LRRTM4: variants seen among roughly 807,000 people sequenced by gnomAD.
LRRTM4 encodes the protein leucine rich repeat transmembrane neuronal 4.
Under a neutral mutation model 47.6 loss-of-function variants are expected in LRRTM4, and 25 were observed. The ratio of observed to expected loss-of-function variants is 0.53; its 90% CI spans 0.38 to 0.73. The LOEUF (loss-of-function observed/expected upper bound fraction) is 0.73. Ranked by LOEUF, LRRTM4 falls within the 30% of genes least tolerant of loss-of-function variation. LRRTM4 has a pLI of 0.00. For synonymous variants in LRRTM4, 311 were observed against 269.5 expected (o/e 1.15, Z -1.51); for missense variants, 638 against 713.4 (o/e 0.89, Z 1.20).
At chr2:77,043,511 A>G (rs1679108980) in intron 3 of LRRTM4, among the ~76,000 whole-genome samples, 1 of 151,746 alleles carries the variant, frequency 6.6e-6, no homozygotes, top group Non-Finnish European at 1.5e-5. Flanking sequence ...GCCTAAACGA[A>G]TGTCATTGTG....
intron 3 of LRRTM4, among the ~76,000 whole-genome samples, chr2:77,216,003 C>A (rs1674426091): frequency 1.3e-5 from 2 of 152,130 alleles, no homozygotes; most frequent in African/African-American, 4.8e-5. Flanking sequence ...TGCTGTGCTA[C>A]CTGCAGAACG....
At chr2:77,272,357 T>C (rs1004967919) in intron 3 of LRRTM4, among the ~76,000 whole-genome samples, 2 of 152,116 alleles carry the variant, frequency 1.3e-5, no homozygotes, top group Non-Finnish European at 2.9e-5. Flanking sequence ...TCAAGCAATA[T>C]AATGAACATA....
At chr2:76,916,946 CTTAAGT>C (rs983496103) in intron 3 of LRRTM4, among the ~76,000 whole-genome samples, 7 of 152,098 alleles carry the variant, frequency 4.6e-5, no homozygotes, top group African/African-American at 1.2e-4. Flanking sequence ...TTCTCTCTTC[CTTAAGT>C]TTAACTCTAC....
intron 3 of LRRTM4, among the ~76,000 whole-genome samples, chr2:76,839,220 A>T (rs182974953): frequency 6.6e-6 from 1 of 152,136 alleles, no homozygotes; most frequent in East Asian, 1.9e-4. Flanking sequence ...TGGGGAGTCA[A>T]TGAGGTAGAG....
intron 3 of LRRTM4, among the ~76,000 whole-genome samples, chr2:77,308,483 G>T (rs1677353045): frequency 6.6e-6 from 1 of 151,994 alleles, no homozygotes. Context: ...GAGGAATTTA[G>T]ATCATATTTT....
chr2:77,001,359 A>T (rs62171996), intron 3 of LRRTM4, among the ~76,000 whole-genome samples: 21,329 of 152,170 alleles, frequency 0.14, 1,604 homozygotes, highest in Admixed American at 0.2. Flanking sequence ...TGAATATATT[A>T]CATGGAGATC....
At chr2:77,033,232 A>C (rs1182509924) in intron 3 of LRRTM4, among the ~76,000 whole-genome samples, 2 of 151,966 alleles carry the variant, frequency 1.3e-5, no homozygotes, top group Non-Finnish European at 2.9e-5. Flanking sequence ...AAACAAGATC[A>C]TTGTCACATG....
chr2:77,502,090 T>C (rs1678590199), intron 3 of LRRTM4, among the ~76,000 whole-genome samples: 1 of 151,380 alleles, frequency 6.6e-6, no homozygotes, highest in Non-Finnish European at 1.5e-5. Flanking sequence ...AAAACAGAAT[T>C]GGAACCCATA....
intron 3 of LRRTM4, among the ~76,000 whole-genome samples, chr2:77,326,037 T>A (rs188874197): frequency 3.9e-5 from 6 of 152,280 alleles, no homozygotes. Context: ...GGTCACAGGA[T>A]CCTCATTTGA....
chr2:77,306,577 T>G (rs1677278840), intron 3 of LRRTM4, among the ~76,000 whole-genome samples: 1 of 152,178 alleles, frequency 6.6e-6, no homozygotes, highest in Admixed American at 6.5e-5. Context: ...ATCGCTCTCC[T>G]CTTCTTCCTA....
chr2:77,046,908 G>A (rs1311882882), intron 3 of LRRTM4, among the ~76,000 whole-genome samples: 3 of 151,980 alleles, frequency 2.0e-5, no homozygotes, highest in African/African-American at 7.2e-5. Context: ...AGAAAGGGAA[G>A]CAGAAGCCTG....
rs142410367 is a variant in LRRTM4 at position 76,958,089 on chromosome 2, G to C, written c.1552-209173C>G. 1.1e-3 allele frequency among the ~76,000 whole-genome samples: 174 copies of C among 151,764 alleles called. 2 individuals carry two copies. In the East Asian group the frequency reaches 0.028, roughly 24 times the overall value. ...GACATGAATCACATGGGAAAAAGGA[G>C]GTTTCATTTACTACAAAATTCCATG... On this transcript the variant is annotated intron_variant, in intron 3 of 3. Coordinates refer to ENST00000409884, the MANE Select transcript of LRRTM4 (RefSeq NM_001134745.3).
At chr2:77,345,108 A>G (rs290035) in intron 3 of LRRTM4, among the ~76,000 whole-genome samples, 4,427 of 151,452 alleles carry the variant, frequency 0.029, 84 homozygotes, top group South Asian at 0.08. Context: ...ATTCAGTAAA[A>G]TTATAAAAAT....
chr2:77,211,527 T>C (rs563921093), intron 3 of LRRTM4, among the ~76,000 whole-genome samples: 68 of 152,306 alleles, frequency 4.5e-4, no homozygotes, highest in African/African-American at 1.5e-3. Context: ...AACAAAGTAT[T>C]TTAAGGAAAA....
chr2:76,831,672 A>T (rs1403518753), intron 3 of LRRTM4, among the ~76,000 whole-genome samples: 5 of 152,162 alleles, frequency 3.3e-5, no homozygotes, highest in African/African-American at 1.2e-4. Flanking sequence ...TGGTGTAATG[A>T]ATATGTTCAC....
At chr2:77,013,215 C>A (rs1677938813) in intron 3 of LRRTM4, among the ~76,000 whole-genome samples, 1 of 152,120 alleles carries the variant, frequency 6.6e-6, no homozygotes, top group African/African-American at 2.4e-5. Flanking sequence ...GAGGTAGAAG[C>A]AAAGAGCAGG....
chr2:76,859,277 A>T (rs1553421068), intron 3 of LRRTM4, among the ~76,000 whole-genome samples: 1 of 152,114 alleles, frequency 6.6e-6, no homozygotes, highest in Non-Finnish European at 1.5e-5. Context: ...TGTAAGTTAT[A>T]TATTCTTTTT....
chr2:76,900,151 T>C (rs1252388056), intron 3 of LRRTM4, among the ~76,000 whole-genome samples: 1 of 152,030 alleles, frequency 6.6e-6, no homozygotes, highest in Non-Finnish European at 1.5e-5. Context: ...GGAGATTGGC[T>C]TGAATCTGGG....
intron 3 of LRRTM4, among the ~76,000 whole-genome samples, chr2:77,136,462 C>A (rs1671945710): frequency 6.6e-6 from 1 of 152,112 alleles, no homozygotes; most frequent in Admixed American, 6.6e-5. Context: ...ACATCCACAC[C>A]AAAACCCCAT....
Sources: allele counts gnomAD v4.1 joint callset (sites outside exome capture counted in the v4.1 genomes callset), GRCh38; gene constraint gnomAD v4.1.1; transcripts MANE v1.5; gene names NCBI Gene and HGNC (gene_info 2026-07-23, HGNC 2026-07-21).